SDK1: variants seen among roughly 807,000 people sequenced by gnomAD.
SDK1 encodes protein sidekick-1.
In SDK1, 157 loss-of-function variants were observed where a neutral mutation model predicts 245.5. That is an observed-to-expected ratio of 0.64 (90% CI 0.56 to 0.73). The LOEUF is 0.73. SDK1 is among the 30% of genes least tolerant of loss of function. The pLI, the probability that SDK1 is intolerant of heterozygous loss-of-function variation, is 0.00. For missense variants in SDK1, 3,583 were observed against 3,002.3 expected (o/e 1.19, Z -4.52); for synonymous variants, 1,647 against 1,278.5 (o/e 1.29, Z -6.15).
intron 1 of SDK1, among the ~76,000 whole-genome samples, chr7:3,519,709 T>C (rs1373705417): frequency 1.3e-5 from 2 of 152,194 alleles, no homozygotes. Context: ...AGAGGATTAG[T>C]AATTTTAAAT....
chr7:4,233,559 T>A, intron 41 of SDK1, 140 bp downstream of exon 41: 2 of 793,508 alleles, frequency 2.5e-6, no homozygotes, highest in Non-Finnish European at 3.9e-6. Context: ...GAGGTCTGTC[T>A]TCTCCTGAAG....
chr7:3,827,009 C>T (rs1462340740), intron 5 of SDK1, among the ~76,000 whole-genome samples: 5 of 152,246 alleles, frequency 3.3e-5, no homozygotes, highest in Admixed American at 3.3e-4. Flanking sequence ...CCACTCATGC[C>T]TCCTTCACCA....
intron 1 of SDK1, among the ~76,000 whole-genome samples, chr7:3,437,739 A>G (rs1016131267): frequency 2.6e-5 from 4 of 152,200 alleles, no homozygotes; most frequent in African/African-American, 7.2e-5. Flanking sequence ...ACAGAGTCGG[A>G]TCCTGTCTCT....
chr7:4,055,787 C>T (rs1779158509), intron 19 of SDK1, among the ~76,000 whole-genome samples: 1 of 152,078 alleles, frequency 6.6e-6, no homozygotes, highest in Non-Finnish European at 1.5e-5. Flanking sequence ...TTTCTGCTTC[C>T]ATGATGCTTT....
chr7:3,342,944 C>A (rs1474940396), intron 1 of SDK1, among the ~76,000 whole-genome samples: 1 of 149,016 alleles, frequency 6.7e-6, no homozygotes, highest in Non-Finnish European at 1.5e-5. Flanking sequence ...TTCAGTATTA[C>A]TAGCCATTAG....
At chr7:3,849,972 A>G (rs1374109951) in intron 5 of SDK1, among the ~76,000 whole-genome samples, 1 of 152,248 alleles carries the variant, frequency 6.6e-6, no homozygotes, top group Non-Finnish European at 1.5e-5. Flanking sequence ...TATTTTCATA[A>G]GTCGAAATGA....
At chr7:3,945,248 A>G (rs1583602260) in intron 5 of SDK1, among the ~76,000 whole-genome samples, 3 of 152,212 alleles carry the variant, frequency 2.0e-5, no homozygotes, top group Non-Finnish European at 2.9e-5. Flanking sequence ...AAAGACATCC[A>G]CACTCTGGGA....
chr7:3,623,969 C>G (rs949742404), intron 2 of SDK1, among the ~76,000 whole-genome samples: 5 of 151,686 alleles, frequency 3.3e-5, no homozygotes, highest in Admixed American at 1.3e-4. Context: ...TTATTTTTTT[C>G]TTTTGTTTTA....
At chr7:3,918,135 C>A (rs565245891) in intron 5 of SDK1, among the ~76,000 whole-genome samples, 1 of 152,180 alleles carries the variant, frequency 6.6e-6, no homozygotes, top group Non-Finnish European at 1.5e-5. Flanking sequence ...TCAAACTCAA[C>A]AGAAGATCAG....
At chr7:4,194,316 ATATG>A (rs1783427716) in intron 35 of SDK1, among the ~76,000 whole-genome samples, 1 of 117,916 alleles carries the variant, frequency 8.5e-6, no homozygotes, top group African/African-American at 4.0e-5. Flanking sequence ...ATGTATACAT[ATATG>A]TATGCACGTA....
chr7:3,947,102 G>A (rs1461102403), intron 5 of SDK1, among the ~76,000 whole-genome samples: 1 of 152,104 alleles, frequency 6.6e-6, no homozygotes, highest in Non-Finnish European at 1.5e-5. Context: ...CAAACAGTAT[G>A]TGTAGGCCTT....
intron 1 of SDK1, among the ~76,000 whole-genome samples, chr7:3,304,480 C>T (rs1007602402): frequency 6.6e-6 from 1 of 152,158 alleles, no homozygotes; most frequent in African/African-American, 2.4e-5. Flanking sequence ...GTTCAGTAGA[C>T]CTCCTAGATT....
rs1787379941 is a variant in SDK1 at position 4,026,794 on chromosome 7, A to G, written c.2602+9442A>G. On this transcript the variant is annotated intron_variant, in intron 17 of 44. Coordinates refer to ENST00000404826, the MANE Select transcript of SDK1 (RefSeq NM_152744.4). This position sits in a 1 kb window ranked among gnomAD's most constrained non-coding sequence, Gnocchi z 4.1. ...CGAGAACTCAGCCGTGGCCCATAAC[A>G]ATCTGGAATTAACGATAACACCCGG... Among the ~76,000 whole-genome samples, 1 of 152,136 alleles carries G rather than the reference A, an allele frequency of 6.6e-6. No individual in the cohort carries two copies.
chr7:3,381,102 A>G (rs1781476252), intron 1 of SDK1, among the ~76,000 whole-genome samples: 1 of 152,208 alleles, frequency 6.6e-6, no homozygotes, highest in South Asian at 2.1e-4. Context: ...AGTGTGATTA[A>G]CATTACTCAG....
chr7:3,925,006 A>C (rs4720116), intron 5 of SDK1, among the ~76,000 whole-genome samples: 63,628 of 151,920 alleles, frequency 0.42, 16,121 homozygotes, highest in African/African-American at 0.72. Flanking sequence ...CAAGGTCCAG[A>C]CTCTTAATGT....
At chr7:3,982,196 A>C (rs906665839) in intron 13 of SDK1, among the ~76,000 whole-genome samples, 1 of 152,218 alleles carries the variant, frequency 6.6e-6, no homozygotes, top group Non-Finnish European at 1.5e-5. Flanking sequence ...CCTGGATGAC[A>C]GCTCTTCTGT....
chr7:3,989,672 G>C (rs1247580949), intron 14 of SDK1, among the ~76,000 whole-genome samples: 4 of 152,190 alleles, frequency 2.6e-5, no homozygotes, highest in African/African-American at 9.7e-5. Context: ...CCCTGGTGCT[G>C]CTCACTTTTC....
chr7:3,964,329 C>T (rs578241857), intron 9 of SDK1, among the ~76,000 whole-genome samples: 28 of 152,272 alleles, frequency 1.8e-4, no homozygotes, highest in African/African-American at 6.5e-4. Flanking sequence ...CTCAGGGTAG[C>T]GTTGCCTCTT....
chr7:3,566,448 A>G (rs1179432926), intron 1 of SDK1, among the ~76,000 whole-genome samples: 4 of 151,968 alleles, frequency 2.6e-5, no homozygotes, highest in Admixed American at 6.6e-5. Context: ...GATGGTCTCG[A>G]TCTCCTGACC....
Sources: allele counts gnomAD v4.1 joint callset (sites outside exome capture counted in the v4.1 genomes callset), GRCh38; gene constraint gnomAD v4.1.1; non-coding constraint Gnocchi (gnomAD v3.1); transcripts MANE v1.5; gene names NCBI Gene and HGNC (gene_info 2026-07-23, HGNC 2026-07-21).